The following OSBP2 variants were observed in gnomAD, a reference collection of about 807,000 sequenced individuals.
OSBP2 encodes oxysterol-binding protein 2.
A neutral mutation model predicts 96.0 loss-of-function variants in OSBP2; 66 were observed. The observed-to-expected ratio is 0.69, with a 90% CI of 0.56 to 0.84. The LOEUF is 0.84. OSBP2 is among the 40% of genes least tolerant of loss of function. OSBP2 has a pLI of 0.00. For missense variants in OSBP2, 1,038 were observed against 1,222.7 expected, an observed-to-expected ratio of 0.85 and a Z score of 2.25; for synonymous variants, 525 against 520.9, an observed-to-expected ratio of 1.01 and a Z score of -0.11.
intron 2 of OSBP2, among the ~76,000 whole-genome samples, chr22:30,778,169 C>A (rs1439515207): frequency 1.6e-5 from 2 of 124,182 alleles, no homozygotes; most frequent in East Asian, 4.8e-4. Flanking sequence ...TAATTTTTGC[C>A]CTTTTTTTTT....
At chr22:30,772,254 G>A (rs1386560386) in intron 2 of OSBP2, among the ~76,000 whole-genome samples, 1 of 152,164 alleles carries the variant, frequency 6.6e-6, no homozygotes, top group African/African-American at 2.4e-5. Flanking sequence ...CCCCACAGCA[G>A]CCACCTTACA....
intron 2 of OSBP2, among the ~76,000 whole-genome samples, chr22:30,813,434 A>G (rs529635826): frequency 6.6e-6 from 1 of 152,134 alleles, no homozygotes; most frequent in East Asian, 1.9e-4. Context: ...TCTGCCCCGC[A>G]AAGTGCTGGG....
In OSBP2 at chr22:30,738,348, C is replaced by T. The variant is rs1401522017; in HGVS notation, c.645-2813C>T. Among the ~76,000 whole-genome samples the T allele has an allele frequency of 2.0e-5, 3 of 152,014 alleles. No individual in the cohort carries two copies. In the East Asian group the frequency reaches 5.8e-4, roughly 29 times the overall value. ...CACTTACACCTGAACAATTTCTAGC[C>T]TAAAATGTCCTTAAATCTAAAAGTG... On this transcript the variant is annotated intron_variant, in intron 1 of 13. Coordinates refer to ENST00000332585, the MANE Select transcript of OSBP2 (RefSeq NM_030758.4).
At chr22:30,891,246 C>A (rs1321888149) in intron 8 of OSBP2, among the ~76,000 whole-genome samples, 1 of 152,142 alleles carries the variant, frequency 6.6e-6, no homozygotes, top group African/African-American at 2.4e-5. Flanking sequence ...AAGCTCCAGT[C>A]CAGGGTGTTG....
chr22:30,882,492 G>A (rs1049152429), intron 3 of OSBP2, among the ~76,000 whole-genome samples: 1 of 145,468 alleles, frequency 6.9e-6, no homozygotes, highest in Non-Finnish European at 1.5e-5. Context: ...TTTCCTCCTC[G>A]GTCATGCACA....
At chr22:30,735,640 A>T (rs1380218631) in intron 1 of OSBP2, among the ~76,000 whole-genome samples, 1 of 151,640 alleles carries the variant, frequency 6.6e-6, no homozygotes, top group Non-Finnish European at 1.5e-5. Context: ...GTTATTCTTT[A>T]TCTTTGAGAA....
chr22:30,693,900 G>A (rs1430806935), upstream of OSBP2: 4 of 629,446 alleles, frequency 6.4e-6, no homozygotes, highest in African/African-American at 3.7e-5. Flanking sequence ...GGGAAGCGGA[G>A]GCTGCAGTGA....
chr22:30,725,637 G>C (rs2089636678), intron 1 of OSBP2, among the ~76,000 whole-genome samples: 1 of 151,886 alleles, frequency 6.6e-6, no homozygotes. Context: ...GTCCTTTCCT[G>C]ATCTCCTCCC....
At chr22:30,803,537 G>A (rs1041359891) in intron 2 of OSBP2, among the ~76,000 whole-genome samples, 1 of 152,194 alleles carries the variant, frequency 6.6e-6, no homozygotes, top group African/African-American at 2.4e-5. Context: ...TCAGAGGCCT[G>A]GCCCCGAGCA....
Position 30,694,921 on chromosome 22 carries a change from G to C in OSBP2, c.12G>C (p.Ala4=), listed in dbSNP as rs1430833893. The C allele has an allele frequency of 1.2e-5, 18 of 1,447,596 alleles. 1 individual carries two copies. In the East Asian group the frequency reaches 4.5e-4, roughly 36 times the overall value. 89.7% of individuals were successfully genotyped at this position (1,447,596 alleles called of 1,614,324 possible). ...GGTCGGCCGGCTCTATGGGGAAAGC[G>C]GCGGCTCCGAGCCGAGGCGGCGGCT... MGK[A]AAPSRGGGCG... Residue 4 remains alanine, a synonymous_variant, in exon 1 of 14, where the codon GCG becomes GCC. Transcript: ENST00000332585.
intron 2 of OSBP2, among the ~76,000 whole-genome samples, chr22:30,801,559 C>A (rs1450567535): frequency 6.6e-6 from 1 of 152,204 alleles, no homozygotes; most frequent in South Asian, 2.1e-4. Flanking sequence ...TTATTAACCT[C>A]AACTTGAATG....
chr22:30,720,236 A>T (rs1797068016), intron 1 of OSBP2, among the ~76,000 whole-genome samples: 1 of 152,208 alleles, frequency 6.6e-6, no homozygotes, highest in Non-Finnish European at 1.5e-5. Context: ...AACAATAAGC[A>T]TTATCTCATT....
chr22:30,811,757 G>A (rs2091010429), intron 2 of OSBP2, among the ~76,000 whole-genome samples: 1 of 151,918 alleles, frequency 6.6e-6, no homozygotes, highest in African/African-American at 2.4e-5. Flanking sequence ...GTTTCACCAT[G>A]TTGGCCAGGC....
intron 2 of OSBP2, among the ~76,000 whole-genome samples, chr22:30,759,576 C>T (rs1032998737): frequency 1.5e-4 from 23 of 152,196 alleles, no homozygotes; most frequent in African/African-American, 3.9e-4. Context: ...AGGAATGCTA[C>T]AGACAACTCT....
Position 30,822,626 on chromosome 22 carries a change from G to A in OSBP2, c.854-47803G>A, listed in dbSNP as rs780310680. 3.9e-6 allele frequency: 6 copies of A among 1,531,160 alleles called. No homozygotes were observed. In the Admixed American group the frequency reaches 7.9e-5, roughly 20 times the overall value. The allele number at this position is 1,531,160 out of a possible 1,614,324, so 94.8% of individuals were successfully genotyped here. On this transcript the variant is annotated intron_variant, in intron 2 of 13. Coordinates refer to ENST00000332585, the MANE Select transcript of OSBP2 (RefSeq NM_030758.4). ...CGCCGATTGGAGGCTGCCCCGCCGC[G>A]GGAAATGAAGGGACGCGGCTGCTGG...
chr22:30,897,524 G>A (rs947035661), intron 12 of OSBP2, among the ~76,000 whole-genome samples: 2 of 152,144 alleles, frequency 1.3e-5, no homozygotes, highest in Admixed American at 6.6e-5. Flanking sequence ...TAAGATAGAA[G>A]TTACAAGCAA....
At chr22:30,886,823 G>A (rs1162764418) in intron 3 of OSBP2, among the ~76,000 whole-genome samples, 2 of 152,164 alleles carry the variant, frequency 1.3e-5, no homozygotes. Flanking sequence ...TGGAGGTGGG[G>A]GAGCAGATGT....
At chr22:30,706,665 G>A (rs890769961) in intron 1 of OSBP2, among the ~76,000 whole-genome samples, 9 of 152,190 alleles carry the variant, frequency 5.9e-5, no homozygotes, top group African/African-American at 2.2e-4. Flanking sequence ...TCACAGCCAG[G>A]TCCTGCCTCT....
chr22:30,696,902 G>A (rs980899176), intron 1 of OSBP2, among the ~76,000 whole-genome samples: 10 of 152,006 alleles, frequency 6.6e-5, no homozygotes, highest in Non-Finnish European at 8.8e-5. Context: ...CAGGTGATTC[G>A]CCTGCCTCGG....
Sources: gnomAD v4.1 joint callset for allele counts (sites outside exome capture counted in the v4.1 genomes callset) on GRCh38, gnomAD v4.1.1 for gene constraint, MANE v1.5 for transcripts, NCBI Gene and HGNC (gene_info 2026-07-23, HGNC 2026-07-21) for gene names.